PPP6R3: variants seen among roughly 807,000 people sequenced by gnomAD.
The protein encoded by PPP6R3 is protein phosphatase 6 regulatory subunit 3.
PPP6R3 carries 38 observed loss-of-function variants against 110.7 expected under a neutral mutation model. The observed-to-expected ratio is 0.34, with a 90% confidence interval of 0.26 to 0.45. The LOEUF (loss-of-function observed/expected upper bound fraction) is 0.45, where lower values mean the gene tolerates loss of function less well. PPP6R3 is among the 20% of genes least tolerant of loss of function. The probability of loss-of-function intolerance (pLI) is 1.00; values close to 1 mark genes in which losing one functional copy is unlikely to be tolerated. For synonymous variants in PPP6R3, 369 were observed against 373.5 expected (o/e 0.99, Z 0.14); for missense variants, 870 against 1,062.4 (o/e 0.82, Z 2.52).
chr11:68,481,614 G>T (rs1386259412), intron 1 of PPP6R3, among the ~76,000 whole-genome samples: 2 of 152,176 alleles, frequency 1.3e-5, no homozygotes, highest in Non-Finnish European at 2.9e-5. Flanking sequence ...ATATTGGTGG[G>T]CATGTTTGTA....
chr11:68,508,371 C>T (rs925675327), intron 1 of PPP6R3, among the ~76,000 whole-genome samples: 10 of 151,932 alleles, frequency 6.6e-5, no homozygotes, highest in Non-Finnish European at 1.3e-4. Flanking sequence ...ACCTCGTGAT[C>T]CACCCACCTC....
At chr11:68,507,439 G>T (rs11228262) in intron 1 of PPP6R3, among the ~76,000 whole-genome samples, 35,053 of 151,946 alleles carry the variant, frequency 0.23, 4,293 homozygotes, top group Middle Eastern at 0.32. Flanking sequence ...AGTCATGGAA[G>T]TTGGTTGTTG....
intron 20 of PPP6R3, among the ~76,000 whole-genome samples, chr11:68,601,363 C>T (rs548080607): frequency 6.6e-6 from 1 of 152,272 alleles, no homozygotes; most frequent in Admixed American, 6.5e-5. Context: ...TCTCCCTCAC[C>T]CCTACCCCTT....
intron 8 of PPP6R3, among the ~76,000 whole-genome samples, chr11:68,560,641 C>T (rs2099415425): frequency 6.6e-6 from 1 of 152,176 alleles, no homozygotes; most frequent in Non-Finnish European, 1.5e-5. Context: ...AGAACTCTGT[C>T]AGAATACAGT....
At chr11:68,541,359 A>G (rs751349414) in intron 3 of PPP6R3, among the ~76,000 whole-genome samples, 2 of 152,184 alleles carry the variant, frequency 1.3e-5, no homozygotes, top group African/African-American at 2.4e-5. Context: ...AGAGAAAAAC[A>G]AGATCTTAGT....
chr11:68,572,696 G>A (rs1356434156), intron 12 of PPP6R3, among the ~76,000 whole-genome samples: 1 of 151,978 alleles, frequency 6.6e-6, no homozygotes, highest in East Asian at 1.9e-4. Context: ...CAAAAAATTA[G>A]CCGGATGTGG....
intron 13 of PPP6R3, 76 bp from the exon 14 acceptor site, chr11:68,575,882 T>C (rs879086433): frequency 1.8e-6 from 2 of 1,133,122 alleles, no homozygotes; most frequent in Middle Eastern, 2.0e-4. Context: ...CCCACTTTTA[T>C]ATTACCTGCT....
chr11:68,600,097 G>T (rs572804666), intron 19 of PPP6R3, among the ~76,000 whole-genome samples: 2 of 152,150 alleles, frequency 1.3e-5, no homozygotes, highest in South Asian at 4.2e-4. Context: ...ACTCCAGCCT[G>T]GGCGACAGAG....
chr11:68,523,448 C>G (rs2099174480), intron 2 of PPP6R3, among the ~76,000 whole-genome samples: 1 of 152,190 alleles, frequency 6.6e-6, no homozygotes, highest in Admixed American at 6.5e-5. Flanking sequence ...GTCAGACCTT[C>G]CATGTCTGAA....
At position 68,527,222 on chromosome 11, in the gene PPP6R3, A is replaced by G. The variant is rs1367371095; in HGVS notation, c.-7+7571A>G. ...AGAAGTAATGGTCATTTAGTGTGAA[A>G]TCTTGTAGCGGATACCTTGGCTTTG... On this transcript the variant is annotated intron_variant, in intron 2 of 23. Coordinates refer to ENST00000393800, the MANE Select transcript of PPP6R3 (RefSeq NM_001164161.2). Among the ~76,000 whole-genome samples the G allele has an allele frequency of 5.9e-5, 9 of 152,314 alleles. No individual in the cohort carries two copies. In the East Asian group the frequency reaches 1.2e-3, roughly 20 times the overall value.
chr11:68,506,306 A>G (rs776318106), intron 1 of PPP6R3, among the ~76,000 whole-genome samples: 6 of 146,656 alleles, frequency 4.1e-5, no homozygotes, highest in African/African-American at 1.0e-4. Flanking sequence ...GGGTCTTGCT[A>G]TTTTGCACAG....
At chr11:68,544,722 C>CAAAA (rs2099341459) in intron 3 of PPP6R3, 116 bp from the exon 4 acceptor site, 1 of 675,308 alleles carries the variant, frequency 1.5e-6, no homozygotes, top group East Asian at 2.9e-5. Context: ...TTCCTGATTT[C>CAAAA]CAGTAAACGA....
intron 23 of PPP6R3, among the ~76,000 whole-genome samples, chr11:68,611,859 T>C (rs1439680118): frequency 6.6e-6 from 1 of 152,210 alleles, no homozygotes; most frequent in African/African-American, 2.4e-5. Context: ...TCCTGTGTGG[T>C]TCCCGTCCCA....
At chr11:68,559,810 C>T (rs982598195) in intron 8 of PPP6R3, among the ~76,000 whole-genome samples, 3 of 146,874 alleles carry the variant, frequency 2.0e-5, no homozygotes, top group African/African-American at 5.0e-5. Flanking sequence ...CCCAGCGGTA[C>T]AGTACCCTCT....
chr11:68,510,555 C>T (rs1005013452), intron 1 of PPP6R3, among the ~76,000 whole-genome samples: 9 of 152,106 alleles, frequency 5.9e-5, no homozygotes, highest in East Asian at 1.9e-4. Context: ...AGGCTGGTCT[C>T]GAACTCCTGG....
intron 2 of PPP6R3, among the ~76,000 whole-genome samples, chr11:68,536,037 T>C (rs4930232): frequency 1 from 152,071 of 152,290 alleles, 75,927 homozygotes; most frequent in Middle Eastern, 1. Context: ...AGTGATCTCA[T>C]TGCCTATCCT....
chr11:68,571,235 C>T lies in PPP6R3; in HGVS notation c.1343+131C>T, dbSNP rs2099504676. 5.7e-6 allele frequency: 7 copies of T among 1,225,064 alleles called. No homozygotes were observed. The South Asian group carries it at 1.1e-4, about 19-fold the overall frequency. The allele number at this position is 1,225,064 out of a possible 1,614,324, so 75.9% of individuals were successfully genotyped here. A position where few individuals can be genotyped will look rare whatever the true frequency, so the allele number is the denominator to read the frequency against. On this transcript the variant is annotated intron_variant, in intron 12 of 23. Transcript: ENST00000393800. ...TGGCCATTTTACAATTTAAACTTTTCCCCAGATTATTTCATTGTAACAGTT... is the reference window on the plus strand; with the variant it reads ...TGGCCATTTTACAATTTAAACTTTTTCCCAGATTATTTCATTGTAACAGTT...
At chr11:68,479,655 CT>C (rs942159078) in intron 1 of PPP6R3, among the ~76,000 whole-genome samples, 1 of 151,990 alleles carries the variant, frequency 6.6e-6, no homozygotes, top group African/African-American at 2.4e-5. Context: ...TTTTTAAAGT[CT>C]TTTTTTCTCC....
intron 1 of PPP6R3, among the ~76,000 whole-genome samples, chr11:68,488,259 A>G (rs1239445760): frequency 6.6e-6 from 1 of 151,906 alleles, no homozygotes; most frequent in African/African-American, 2.4e-5. Context: ...GACTTGCTCT[A>G]TAGCCCAGGC....
Sources: gnomAD v4.1 joint callset for allele counts (sites outside exome capture counted in the v4.1 genomes callset) on GRCh38, gnomAD v4.1.1 for gene constraint, MANE v1.5 for transcripts, NCBI Gene and HGNC (gene_info 2026-07-23, HGNC 2026-07-21) for gene names.